The following PTK2 variants were observed in gnomAD, a reference collection of about 807,000 sequenced individuals.
PTK2 encodes protein tyrosine kinase 2.
A neutral mutation model predicts 150.1 loss-of-function variants in PTK2; 45 were observed. The observed-to-expected ratio is 0.30, with a 90% CI of 0.24 to 0.38. The LOEUF is 0.38. Among genes scored for constraint, PTK2 ranks in the 10% least tolerant of loss-of-function variants. PTK2 has a pLI of 1.00. For synonymous variants in PTK2, 432 were observed against 449.2 expected, an observed-to-expected ratio of 0.96 and a Z score of 0.48; for missense variants, 919 against 1,307.3, an observed-to-expected ratio of 0.70 and a Z score of 4.58.
Position 140,934,774 on chromosome 8 carries a change from T to G in PTK2, c.-121-9025A>C, listed in dbSNP as rs959064679. 5.3e-5 allele frequency among the ~76,000 whole-genome samples: 8 copies of G among 152,340 alleles called. No individual in the cohort carries two copies. The East Asian group carries it at 1.5e-3, about 29-fold the overall frequency. On this transcript the variant is annotated intron_variant, in intron 1 of 31. Coordinates refer to ENST00000522684, the Ensembl canonical transcript of PTK2. Reference sequence around the variant, plus strand: ...GCCTCTGCTATGACAGTGATGAAATTTTCTGACCATCTGTTGTTATAGACT... The same window carrying G: ...GCCTCTGCTATGACAGTGATGAAATGTTCTGACCATCTGTTGTTATAGACT...
chr8:140,827,938 G>A (rs1260093347), intron 8 of PTK2, among the ~76,000 whole-genome samples: 2 of 152,114 alleles, frequency 1.3e-5, no homozygotes, highest in African/African-American at 2.4e-5. Flanking sequence ...AGGCCAAGGT[G>A]GGTGGATCAC....
chr8:140,919,352 T>G (rs1269045273), intron 2 of PTK2, among the ~76,000 whole-genome samples: 2 of 152,238 alleles, frequency 1.3e-5, no homozygotes, highest in Admixed American at 6.5e-5. Context: ...AATAAGTTGT[T>G]TCCATCAATC....
intron 10 of PTK2, among the ~76,000 whole-genome samples, chr8:140,805,815 T>C (rs555502527): frequency 2.8e-4 from 42 of 152,318 alleles, no homozygotes; most frequent in African/African-American, 9.9e-4. Flanking sequence ...TACTATATAA[T>C]GTCCCTACCT....
At chr8:140,708,200 C>T (rs961946525) in intron 23 of PTK2, among the ~76,000 whole-genome samples, 1 of 152,040 alleles carries the variant, frequency 6.6e-6, no homozygotes, top group Admixed American at 6.5e-5. Flanking sequence ...AAAGAAAACG[C>T]CTTAGTGTCT....
At chr8:140,905,623 G>C (rs2100160573) in intron 2 of PTK2, among the ~76,000 whole-genome samples, 1 of 152,150 alleles carries the variant, frequency 6.6e-6, no homozygotes, top group Non-Finnish European at 1.5e-5. Flanking sequence ...CAACAAGACA[G>C]AAGATAAACA....
chr8:140,679,385 A>T (rs1395996026), intron 27 of PTK2, among the ~76,000 whole-genome samples: 1 of 152,140 alleles, frequency 6.6e-6, no homozygotes, highest in African/African-American at 2.4e-5. Context: ...CTCGGGTAAC[A>T]AGAAAGTTTA....
intron 8 of PTK2, among the ~76,000 whole-genome samples, chr8:140,830,133 C>G (rs1397587648): frequency 1.3e-5 from 2 of 151,924 alleles, no homozygotes; most frequent in Non-Finnish European, 2.9e-5. Flanking sequence ...TCCACCACCA[C>G]GATTATTTTA....
intron 14 of PTK2, among the ~76,000 whole-genome samples, chr8:140,766,937 C>T (rs1221051999): frequency 1.3e-5 from 2 of 152,202 alleles, no homozygotes; most frequent in Non-Finnish European, 2.9e-5. Context: ...ATGTGCCCTA[C>T]ACATAACAGA....
At chr8:140,897,292 G>A (rs1213747979) in intron 2 of PTK2, among the ~76,000 whole-genome samples, 1 of 151,712 alleles carries the variant, frequency 6.6e-6, no homozygotes, top group Admixed American at 6.6e-5. Flanking sequence ...ATAAACTTTT[G>A]TTACAATGTT....
chr8:140,787,181 C>T (rs2100085465), intron 14 of PTK2, among the ~76,000 whole-genome samples: 1 of 152,026 alleles, frequency 6.6e-6, no homozygotes, highest in Non-Finnish European at 1.5e-5. Flanking sequence ...TTACGGAATA[C>T]CTAGGAAGAA....
At chr8:140,749,490 C>T (rs993263140) in intron 17 of PTK2, among the ~76,000 whole-genome samples, 2 of 152,192 alleles carry the variant, frequency 1.3e-5, no homozygotes, top group Non-Finnish European at 1.5e-5. Flanking sequence ...AAAATCAACA[C>T]ATAGAATAGT....
At chr8:140,666,171 C>G (rs187824017) in intron 30 of PTK2, among the ~76,000 whole-genome samples, 19 of 152,246 alleles carry the variant, frequency 1.2e-4, no homozygotes, top group Non-Finnish European at 2.1e-4. Context: ...AACCCCGTCT[C>G]TACTAAAAAT....
At chr8:140,977,119 G>A (rs1270482872) in intron 1 of PTK2, among the ~76,000 whole-genome samples, 2 of 152,190 alleles carry the variant, frequency 1.3e-5, no homozygotes, top group Non-Finnish European at 2.9e-5. Context: ...GCCAGGTGTG[G>A]TGGCTCCTGC....
intron 5 of PTK2, among the ~76,000 whole-genome samples, chr8:140,860,873 C>T (rs560393216): frequency 1.3e-3 from 202 of 152,170 alleles, no homozygotes; most frequent in Admixed American, 2.5e-3. Context: ...AATACTAGCA[C>T]GGAAAAACAA....
intron 4 of PTK2, among the ~76,000 whole-genome samples, chr8:140,877,882 T>C (rs2100146649): frequency 6.6e-6 from 1 of 152,130 alleles, no homozygotes; most frequent in Admixed American, 6.5e-5. Context: ...TTAGATTCAA[T>C]GACCATTTTA....
At chr8:140,683,544 C>CA (rs1040458920) in intron 27 of PTK2, among the ~76,000 whole-genome samples, 13 of 151,744 alleles carry the variant, frequency 8.6e-5, no homozygotes. Context: ...GCAGAAACAA[C>CA]AAAAAAAGAA....
intron 1 of PTK2, among the ~76,000 whole-genome samples, chr8:140,931,070 CAAAAAA>C (rs34438579): frequency 6.3e-5 from 7 of 111,726 alleles, no homozygotes; most frequent in Non-Finnish European, 3.6e-5. Flanking sequence ...GACTCTGTCT[CAAAAAA>C]AAAAAAAAAA....
At chr8:140,670,485 AACAACACACACACACACACACACACACAC>A (rs2094976579) in intron 29 of PTK2, among the ~76,000 whole-genome samples, 1 of 36,934 alleles carries the variant, frequency 2.7e-5, no homozygotes, top group South Asian at 8.6e-4. Flanking sequence ...AAAAAAAAAC[AACAACACACACACACACACACACACACAC>A]ACACACACAC....
chr8:140,904,742 C>T (rs1204547641), intron 2 of PTK2, among the ~76,000 whole-genome samples: 4 of 152,056 alleles, frequency 2.6e-5, no homozygotes, highest in Non-Finnish European at 4.4e-5. Flanking sequence ...TGTATGTGTC[C>T]AGGAATGTAT....
Sources: gnomAD v4.1 joint callset for allele counts (sites outside exome capture counted in the v4.1 genomes callset) on GRCh38, gnomAD v4.1.1 for gene constraint, MANE v1.5 for transcripts, NCBI Gene and HGNC (gene_info 2026-07-23, HGNC 2026-07-21) for gene names.